The following GON4L variants were observed in gnomAD, a reference collection of about 807,000 sequenced individuals.
GON4L encodes GON-4-like protein.
GON4L carries 87 observed loss-of-function variants against 211.8 expected under a neutral mutation model. That is an observed-to-expected ratio of 0.41 (90% confidence interval 0.35 to 0.49). The LOEUF (loss-of-function observed/expected upper bound fraction) is 0.49, where lower values mean the gene tolerates loss of function less well. Ranked by LOEUF, GON4L falls within the 20% of genes least tolerant of loss-of-function variation. The pLI, the probability that GON4L is intolerant of heterozygous loss-of-function variation, is 0.15. For synonymous variants in GON4L, 875 were observed against 962.6 expected (o/e 0.91, Z 1.68); for missense variants, 2,155 against 2,659.5 (o/e 0.81, Z 4.17).
chr1:155,831,056 T>C (rs1669711710), intron 2 of GON4L, among the ~76,000 whole-genome samples: 1 of 152,162 alleles, frequency 6.6e-6, no homozygotes, highest in South Asian at 2.1e-4. Flanking sequence ...CCCAGCACTT[T>C]GGGAGGCTGA....
chr1:155,768,408 A>G (rs1662796527), intron 19 of GON4L, among the ~76,000 whole-genome samples: 1 of 151,186 alleles, frequency 6.6e-6, no homozygotes. Flanking sequence ...CAGGAGATTG[A>G]GACCATCCTG....
chr1:155,817,189 T>A (rs1668329807), intron 6 of GON4L, among the ~76,000 whole-genome samples: 2 of 152,098 alleles, frequency 1.3e-5, no homozygotes, highest in Admixed American at 1.3e-4. Flanking sequence ...AGATGGAGTC[T>A]CATTAGGTTT....
At chr1:155,773,907 G>C (rs1159976942) in intron 17 of GON4L, among the ~76,000 whole-genome samples, 3 of 152,142 alleles carry the variant, frequency 2.0e-5, no homozygotes, top group African/African-American at 7.2e-5. Context: ...GTTAAATCAA[G>C]TTTTCATTAC....
At chr1:155,808,669 C>T (rs1667396614) in intron 10 of GON4L, among the ~76,000 whole-genome samples, 1 of 151,884 alleles carries the variant, frequency 6.6e-6, no homozygotes, top group Non-Finnish European at 1.5e-5. Flanking sequence ...CTCTGTGGCC[C>T]AGGCTAGAGT....
intron 24 of GON4L, among the ~76,000 whole-genome samples, 182 bp downstream of exon 24, chr1:155,760,262 G>A (rs2101682655): frequency 6.6e-6 from 1 of 152,174 alleles, no homozygotes; most frequent in Non-Finnish European, 1.5e-5. Flanking sequence ...TAAAGAAAAT[G>A]GGAGAATGGG....
intron 10 of GON4L, 89 bp downstream of exon 10, chr1:155,813,545 T>C (rs765500046): frequency 1.0e-4 from 93 of 932,416 alleles, no homozygotes; most frequent in Admixed American, 3.6e-4. Flanking sequence ...TATAAAATTG[T>C]AGTTATCTTT....
chr1:155,754,041 C>T (rs1660885440), intron 28 of GON4L: 1 of 370,328 alleles, frequency 2.7e-6, no homozygotes, highest in Non-Finnish European at 5.2e-6. Flanking sequence ...TGTGTTTTTC[C>T]TGCCAACCAA....
chr1:155,748,940 G>T (rs761277584), downstream of GON4L, among the ~76,000 whole-genome samples: 2 of 152,126 alleles, frequency 1.3e-5, no homozygotes, highest in African/African-American at 2.4e-5. Flanking sequence ...CCAGCTGATG[G>T]CCTGATAACA....
chr1:155,841,208 T>C (rs1670743564), intron 2 of GON4L, among the ~76,000 whole-genome samples: 1 of 152,206 alleles, frequency 6.6e-6, no homozygotes, highest in Non-Finnish European at 1.5e-5. Context: ...GGGCAGGGCT[T>C]ATGACTTTTT....
intron 21 of GON4L, 146 bp from the exon 22 acceptor site, chr1:155,763,710 T>C (rs1662088184): frequency 6.6e-6 from 5 of 755,446 alleles, no homozygotes; most frequent in Non-Finnish European, 1.0e-5. Context: ...AGTTATGAAA[T>C]CCCAGCAATG....
chr1:155,834,786 C>T (rs533105990), intron 2 of GON4L, among the ~76,000 whole-genome samples: 1 of 152,172 alleles, frequency 6.6e-6, no homozygotes, highest in Non-Finnish European at 1.5e-5. Context: ...CCGGGAAGTC[C>T]TCGCCCCTTT....
chr1:155,765,061 T>A lies in GON4L; in HGVS notation c.4412A>T (p.Asp1471Val). 6.2e-7 allele frequency: 1 copy of A among 1,614,114 alleles called. No individual in the cohort carries two copies. Among genetic ancestry groups the A allele is most frequent in the Non-Finnish European group, 8.5e-7 (1 of 1,179,972 alleles). Residue 1471 changes from aspartate to valine, a missense_variant, in exon 21 of 32, where the codon GAT (aspartate) becomes GTT (valine). Physicochemically the swap from Asp to Val is radical, Grantham distance 152. This residue lies in a region of GON4L where 615 missense variants were observed against 625.7 expected (regional missense o/e 0.98). Coordinates refer to ENST00000368331, the MANE Select transcript of GON4L (RefSeq NM_001282860.2). ...AGCTGATGACATTTCATCTTCCTCA[T>A]CTTGGGTGAGGTCATCAAAGTCCTC... ...EEEDFDDLTQ[D>V]EEDEMSSASE...
At chr1:155,816,294 T>A in intron 6 of GON4L, 32 bp from the exon 7 acceptor site, 1 of 987,576 alleles carries the variant, frequency 1.0e-6, no homozygotes, top group Non-Finnish European at 1.6e-6. Context: ...AATTAAGTTA[T>A]CTTAACTGAA....
In GON4L at chr1:155,826,949, G is replaced by A. The variant is rs766360394; in HGVS notation, c.585C>T (p.Pro195=). The stretch of plus-strand genomic sequence containing the variant: ...AAACATCTGGCTGGGTTGATTTCCT[G>A]GGCTGGCTTACTGGTTTTGCAGATT... ...GSQSAKPVSQ[P]RKSTQPDVCA... The change falls in exon 3 of 32, where the codon CCC becomes CCT. Residue 195 remains proline (P), a synonymous_variant. Coordinates refer to ENST00000368331, the MANE Select transcript of GON4L (RefSeq NM_001282860.2). 1.9e-6 allele frequency: 3 copies of A among 1,613,924 alleles called. No homozygotes were observed. The Admixed American group carries it at 5.0e-5, about 27-fold the overall frequency.
downstream of GON4L, chr1:155,747,745 C>T (rs1218627427): frequency 1.2e-6 from 2 of 1,613,848 alleles, no homozygotes; most frequent in East Asian, 4.5e-5. Flanking sequence ...TATCTTTCGT[C>T]ACTCACCCCC....
chr1:155,821,799 G>A (rs532046354), intron 4 of GON4L, among the ~76,000 whole-genome samples: 2 of 152,296 alleles, frequency 1.3e-5, no homozygotes, highest in Admixed American at 1.3e-4. Flanking sequence ...GAACAGGAAT[G>A]GCTCACATAA....
intron 2 of GON4L, among the ~76,000 whole-genome samples, chr1:155,830,776 T>TG (rs1015249837): frequency 1.3e-4 from 20 of 151,994 alleles, no homozygotes; most frequent in African/African-American, 3.6e-4. Flanking sequence ...TTTGTAGAGA[T>TG]GGGGTCTCAC....
chr1:155,857,933 C>T (rs1281973586), upstream of GON4L, among the ~76,000 whole-genome samples: 1 of 152,128 alleles, frequency 6.6e-6, no homozygotes, highest in Non-Finnish European at 1.5e-5. Context: ...TTACAAAATG[C>T]TCTCACATTT....
In GON4L at chr1:155,822,434, T is replaced by A; in HGVS notation, c.740A>T (p.Lys247Ile). The A allele has an allele frequency of 6.2e-7, 1 of 1,614,034 alleles. No homozygotes were observed. The highest frequency in any genetic ancestry group is 8.5e-7 in the Non-Finnish European group (1 of 1,179,894). ...NEESEKRRKK[K>I]KGTKRKRDGR... ...ATCTCGTTTCCTCTTGGTACCCTTT[T>A]TCTTTTTTCTCCTTTTCTCACTTTC... The change falls in exon 4 of 32, where the codon AAA becomes ATA. Residue 247 changes from lysine (K) to isoleucine (I), a missense_variant. Physicochemically the swap from Lys to Ile is moderately radical, Grantham distance 102. This residue lies in a region of GON4L where 313 missense variants were observed against 293.2 expected (regional missense o/e 1.07). Coordinates refer to ENST00000368331, the MANE Select transcript of GON4L (RefSeq NM_001282860.2).
Sources: allele counts gnomAD v4.1 joint callset (sites outside exome capture counted in the v4.1 genomes callset), GRCh38; gene constraint gnomAD v4.1.1; regional missense constraint gnomAD v4.1.1; transcripts MANE v1.5; gene names NCBI Gene and HGNC (gene_info 2026-07-23, HGNC 2026-07-21).